ITSN2: variants seen among roughly 807,000 people sequenced by gnomAD.
The protein encoded by ITSN2 is intersectin 2, also known as intersectin-2.
In ITSN2, 156 loss-of-function variants were observed where a neutral mutation model predicts 243.7. The ratio of observed to expected loss-of-function variants is 0.64; its 90% CI spans 0.56 to 0.73. The LOEUF (loss-of-function observed/expected upper bound fraction) is 0.73, where lower values mean the gene tolerates loss of function less well. Ranked by LOEUF, ITSN2 falls within the 30% of genes least tolerant of loss-of-function variation. The pLI, the probability that ITSN2 is intolerant of heterozygous loss-of-function variation, is 0.00. For missense variants in ITSN2, 1,801 were observed against 1,996.1 expected (o/e 0.90, Z 1.86); for synonymous variants, 703 against 699.9 (o/e 1.00, Z -0.07).
At chr2:24,226,981 T>G (rs141240885) in intron 29 of ITSN2, among the ~76,000 whole-genome samples, 6,074 of 152,156 alleles carry the variant, frequency 0.04, 150 homozygotes, top group Middle Eastern at 0.068. Flanking sequence ...CCAGGGGTGG[T>G]GGCGTCTGCC....
At chr2:24,337,977 G>GC (rs1161418254) in intron 1 of ITSN2, among the ~76,000 whole-genome samples, 6 of 151,942 alleles carry the variant, frequency 3.9e-5, no homozygotes, top group South Asian at 2.1e-4. Context: ...AAATTCTAAG[G>GC]CCCCCCAACC....
intron 1 of ITSN2, among the ~76,000 whole-genome samples, chr2:24,352,185 T>C (rs1688084025): frequency 6.6e-6 from 1 of 152,226 alleles, no homozygotes. Flanking sequence ...ATGTATTCCT[T>C]GCAGACAAGC....
intron 29 of ITSN2, chr2:24,240,307 C>T (rs1436973143): frequency 3.3e-5 from 5 of 152,084 alleles, no homozygotes; most frequent in Non-Finnish European, 5.9e-5. Context: ...TCACAAGGAC[C>T]CAGTCTTTGC....
At chr2:24,332,429 T>A (rs2151861943) in intron 1 of ITSN2, among the ~76,000 whole-genome samples, 1 of 152,082 alleles carries the variant, frequency 6.6e-6, no homozygotes, top group Admixed American at 6.5e-5. Context: ...AACCTGAGAA[T>A]GAACTAAATA....
intron 29 of ITSN2, among the ~76,000 whole-genome samples, chr2:24,222,560 T>G (rs1439813970): frequency 6.6e-6 from 1 of 152,088 alleles, no homozygotes; most frequent in Admixed American, 6.5e-5. Context: ...TTTAAAAAAA[T>G]TATGTGATCC....
intron 22 of ITSN2, among the ~76,000 whole-genome samples, chr2:24,258,668 C>G (rs1413770801): frequency 6.6e-6 from 1 of 152,074 alleles, no homozygotes; most frequent in Non-Finnish European, 1.5e-5. Flanking sequence ...ATATTTAAGT[C>G]CTTCTCTTCA....
At chr2:24,224,610 T>C (rs1212707534) in intron 29 of ITSN2, among the ~76,000 whole-genome samples, 2 of 151,918 alleles carry the variant, frequency 1.3e-5, no homozygotes, top group Admixed American at 6.6e-5. Flanking sequence ...CTGACCCTTT[T>C]GCATTTCATC....
chr2:24,340,394 T>C (rs1045003940), intron 1 of ITSN2, among the ~76,000 whole-genome samples: 1 of 151,328 alleles, frequency 6.6e-6, no homozygotes, highest in Admixed American at 6.6e-5. Context: ...GGCAGGAGAA[T>C]CGCTTGAACC....
intron 17 of ITSN2, among the ~76,000 whole-genome samples, chr2:24,280,826 A>G (rs1474096410): frequency 3.3e-5 from 5 of 152,184 alleles, no homozygotes; most frequent in African/African-American, 4.8e-5. Flanking sequence ...CACATAAATG[A>G]TGCAATCCAA....
At chr2:24,298,535 A>G in intron 13 of ITSN2, 130 bp downstream of exon 13, 1 of 754,738 alleles carries the variant, frequency 1.3e-6, no homozygotes, top group South Asian at 2.1e-5. Context: ...GCCCCAGTTG[A>G]TCTGCCTGCC....
rs1332505730 is a variant in ITSN2, at chr2:24,270,828, C to A, written c.2258-60G>T. On this transcript the variant is annotated intron_variant, in intron 19 of 39. Transcript: ENST00000355123. ...ACATGTATACATCTTTGCTATGACT[C>A]AATAAAGAGCTCTAAAACCTAAAAG... The A allele has an allele frequency of 1.8e-5, 15 of 854,212 alleles. 1 individual carries two copies. In the East Asian group the frequency reaches 3.7e-4, roughly 21 times the overall value. The allele number at this position is 854,212 out of a possible 1,614,324, so 52.9% of individuals were successfully genotyped here. A position where few individuals can be genotyped will look rare whatever the true frequency, so the allele number is the denominator to read the frequency against.
intron 30 of ITSN2, 55 bp from the exon 31 acceptor site, chr2:24,218,068 G>C (rs758944743): frequency 4.2e-5 from 48 of 1,143,024 alleles, no homozygotes; most frequent in Non-Finnish European, 6.1e-5. Context: ...CACAGCCTAC[G>C]TGTGGTCTAA....
chr2:24,358,059 G>T (rs971660469), intron 1 of ITSN2, among the ~76,000 whole-genome samples: 1 of 152,114 alleles, frequency 6.6e-6, no homozygotes, highest in East Asian at 1.9e-4. Context: ...GACTACAGGC[G>T]CACGCCACCA....
At chr2:24,307,343 C>T (rs1371045268) in intron 8 of ITSN2, among the ~76,000 whole-genome samples, 1 of 146,990 alleles carries the variant, frequency 6.8e-6, no homozygotes, top group Non-Finnish European at 1.5e-5. Context: ...ATTTTAGAGA[C>T]ATTAAAATGT....
At chr2:24,248,543 TA>T in intron 27 of ITSN2, 85 bp downstream of exon 27, 1 of 1,157,442 alleles carries the variant, frequency 8.6e-7, no homozygotes, top group Non-Finnish European at 1.2e-6. Flanking sequence ...ATGGGTGATC[TA>T]AAAATTTTTA....
intron 15 of ITSN2, among the ~76,000 whole-genome samples, chr2:24,291,070 G>A (rs1256529252): frequency 6.6e-6 from 1 of 152,082 alleles, no homozygotes; most frequent in Non-Finnish European, 1.5e-5. Flanking sequence ...GTATAGTATA[G>A]TATAATATTA....
At chr2:24,276,571 C>T (rs1171492763) in intron 17 of ITSN2, among the ~76,000 whole-genome samples, 5 of 152,178 alleles carry the variant, frequency 3.3e-5, no homozygotes, top group African/African-American at 1.2e-4. Context: ...TTGTGATTAT[C>T]TGTTCAGCAT....
At chr2:24,208,200 C>G in intron 37 of ITSN2, 37 bp downstream of exon 37, 1 of 1,571,386 alleles carries the variant, frequency 6.4e-7, no homozygotes. Flanking sequence ...CCTAGGGCCC[C>G]TGGGGGCTGC....
intron 2 of ITSN2, among the ~76,000 whole-genome samples, chr2:24,324,235 A>AAAATT (rs1224041799): frequency 5.9e-5 from 9 of 152,220 alleles, no homozygotes; most frequent in South Asian, 4.1e-4. Flanking sequence ...CCGTCTCAAA[A>AAAATT]AAATTAAATT....
Sources: allele counts gnomAD v4.1 joint callset (sites outside exome capture counted in the v4.1 genomes callset), GRCh38; gene constraint gnomAD v4.1.1; transcripts MANE v1.5; gene names NCBI Gene and HGNC (gene_info 2026-07-23, HGNC 2026-07-21).